AUTS2: variants seen among roughly 807,000 people sequenced by gnomAD.
AUTS2 encodes activator of transcription and developmental regulator AUTS2.
In AUTS2, 17 loss-of-function variants were observed where a neutral mutation model predicts 112.4. The ratio of observed to expected loss-of-function variants is 0.15; its 90% CI spans 0.10 to 0.23. AUTS2 has a LOEUF of 0.23. AUTS2 is among the 10% of genes least tolerant of loss of function. The pLI, the probability that AUTS2 is intolerant of heterozygous loss-of-function variation, is 1.00. For missense variants in AUTS2, 1,510 were observed against 1,701.6 expected, an observed-to-expected ratio of 0.89 and a Z score of 1.98; for synonymous variants, 751 against 702.7, an observed-to-expected ratio of 1.07 and a Z score of -1.09.
chr7:70,533,935 G>A (rs1443257667), intron 5 of AUTS2, among the ~76,000 whole-genome samples: 1 of 152,188 alleles, frequency 6.6e-6, no homozygotes, highest in African/African-American at 2.4e-5. Flanking sequence ...GGGAACCCTT[G>A]TTCTGTCCAC....
At chr7:69,789,275 G>A (rs1584249423) in intron 1 of AUTS2, among the ~76,000 whole-genome samples, 1 of 152,162 alleles carries the variant, frequency 6.6e-6, no homozygotes, top group East Asian at 1.9e-4. Flanking sequence ...TAAAAAAAAT[G>A]TATGCCCAGG....
At chr7:69,735,739 CAAG>C (rs1238709869) in intron 1 of AUTS2, among the ~76,000 whole-genome samples, 2 of 152,198 alleles carry the variant, frequency 1.3e-5, no homozygotes. Context: ...AGCCCCCTGA[CAAG>C]GAGTCTTGTG....
At chr7:70,704,176 G>A (rs1025493380) in intron 6 of AUTS2, among the ~76,000 whole-genome samples, 4 of 152,192 alleles carry the variant, frequency 2.6e-5, no homozygotes, top group East Asian at 1.9e-4. Context: ...TGCTTTGGCC[G>A]AACTGATCTT....
chr7:69,987,915 T>C (rs1314029779), intron 2 of AUTS2, among the ~76,000 whole-genome samples: 1 of 152,196 alleles, frequency 6.6e-6, no homozygotes, highest in African/African-American at 2.4e-5. Flanking sequence ...AAGGTAAAAG[T>C]AGTCACTGTT....
chr7:69,831,557 T>C (rs1039048513), intron 1 of AUTS2, among the ~76,000 whole-genome samples: 10 of 151,996 alleles, frequency 6.6e-5, no homozygotes, highest in African/African-American at 2.4e-4. Context: ...GTCTCTCCTA[T>C]GTCCACTGTA....
intron 1 of AUTS2, among the ~76,000 whole-genome samples, chr7:69,661,061 C>T (rs139038693): frequency 7.8e-4 from 118 of 152,234 alleles, no homozygotes; most frequent in Admixed American, 1.9e-3. Context: ...ATGACATTGG[C>T]GGCAAGTCTT....
chr7:69,819,902 A>T (rs547205692), intron 1 of AUTS2, among the ~76,000 whole-genome samples: 1 of 152,298 alleles, frequency 6.6e-6, no homozygotes, highest in South Asian at 2.1e-4. Context: ...CCCAGCCCCC[A>T]GTAAGCTTTA....
intron 2 of AUTS2, among the ~76,000 whole-genome samples, chr7:69,918,632 T>C (rs1477126183): frequency 6.6e-6 from 1 of 152,258 alleles, no homozygotes; most frequent in Admixed American, 6.5e-5. Context: ...TTATATTGGC[T>C]TATTTTTTAA....
chr7:70,189,800 T>C (rs894638871), intron 4 of AUTS2, among the ~76,000 whole-genome samples: 26 of 152,206 alleles, frequency 1.7e-4, no homozygotes, highest in Non-Finnish European at 2.8e-4. Flanking sequence ...GCTTCATTTT[T>C]TGAAGGTGCT....
intron 4 of AUTS2, among the ~76,000 whole-genome samples, chr7:70,167,924 T>A (rs1184989656): frequency 6.6e-6 from 1 of 152,252 alleles, no homozygotes; most frequent in East Asian, 1.9e-4. Flanking sequence ...CATGTGTATA[T>A]AATTGATGAC....
At chr7:70,528,575 G>A (rs976808460) in intron 5 of AUTS2, among the ~76,000 whole-genome samples, 8 of 152,004 alleles carry the variant, frequency 5.3e-5, no homozygotes, top group African/African-American at 7.3e-5. Flanking sequence ...TTTCTAATTC[G>A]GAGAGGTGAG....
chr7:70,599,293 A>G (rs1029210984), intron 5 of AUTS2, among the ~76,000 whole-genome samples: 5 of 152,242 alleles, frequency 3.3e-5, no homozygotes, highest in South Asian at 2.1e-4. Flanking sequence ...CCTGTAACCC[A>G]GTTCCATGGC....
intron 6 of AUTS2, among the ~76,000 whole-genome samples, chr7:70,739,884 T>C (rs986914005): frequency 1.5e-4 from 23 of 151,662 alleles, no homozygotes; most frequent in African/African-American, 5.1e-4. Context: ...CTTGGGGCCA[T>C]GTAATACAAG....
intron 1 of AUTS2, among the ~76,000 whole-genome samples, chr7:69,857,697 T>C (rs960024655): frequency 1.3e-5 from 2 of 152,110 alleles, no homozygotes; most frequent in African/African-American, 4.8e-5. Context: ...CTACTGTTTA[T>C]TAAGACATTC....
intron 2 of AUTS2, among the ~76,000 whole-genome samples, chr7:69,964,973 C>T (rs1336280050): frequency 6.6e-6 from 1 of 151,936 alleles, no homozygotes; most frequent in Non-Finnish European, 1.5e-5. Flanking sequence ...TTATTAGTAC[C>T]CCCAGTTCCC....
chr7:70,219,210 C>G (rs1387135287), intron 4 of AUTS2, among the ~76,000 whole-genome samples: 1 of 152,200 alleles, frequency 6.6e-6, no homozygotes, highest in Admixed American at 6.5e-5. Context: ...AAACATCTCT[C>G]TCATTGCTAG....
At chr7:70,658,912 G>A (rs535488457) in intron 5 of AUTS2, among the ~76,000 whole-genome samples, 1 of 152,272 alleles carries the variant, frequency 6.6e-6, no homozygotes, top group African/African-American at 2.4e-5. Context: ...CAGAAATGGG[G>A]AAATTTCATT....
chr7:70,251,196 C>T (rs2129604005), intron 4 of AUTS2, among the ~76,000 whole-genome samples: 1 of 152,110 alleles, frequency 6.6e-6, no homozygotes, highest in Middle Eastern at 3.4e-3. Flanking sequence ...TCCCAAGTAG[C>T]TGGGATTACA....
rs11289784 is a variant in AUTS2, at chr7:69,921,327, GTTTTTT to G, written c.522+21849_522+21854del. Among the ~76,000 whole-genome samples, 80 of 90,410 alleles carry G rather than the reference GTTTTTT, an allele frequency of 8.8e-4. 1 individual carries two copies. Among genetic ancestry groups the G allele is most frequent in the Non-Finnish European group, 6.1e-4 (28 of 45,990 alleles). 59.3% of individuals were successfully genotyped at this position (90,410 alleles called of 152,430 possible). On this transcript the variant is annotated intron_variant, in intron 2 of 18. Transcript: ENST00000342771. ...TCTGGTTTTAGTATTTAGACTTGAA[GTTTTTT>G]TTTTTTTTTTTTTTTTTTTAACCGT...
Sources: allele counts gnomAD v4.1 joint callset (sites outside exome capture counted in the v4.1 genomes callset), GRCh38; gene constraint gnomAD v4.1.1; transcripts MANE v1.5; gene names NCBI Gene and HGNC (gene_info 2026-07-23, HGNC 2026-07-21).